The following EYS variants were observed in gnomAD, a reference collection of about 807,000 sequenced individuals.
The protein encoded by EYS is protein eyes shut homolog.
In EYS, 250 loss-of-function variants were observed where a neutral mutation model predicts 282.1. The ratio of observed to expected loss-of-function variants is 0.89; its 90% CI spans 0.80 to 0.98. The LOEUF (loss-of-function observed/expected upper bound fraction) is 0.98, where lower values mean the gene tolerates loss of function less well. Ranked by LOEUF, EYS falls within the 50% of genes least tolerant of loss-of-function variation. EYS has a pLI of 0.00. For missense variants in EYS, 4,016 were observed against 3,709.0 expected, an observed-to-expected ratio of 1.08 and a Z score of -2.15; for synonymous variants, 1,355 against 1,282.9, an observed-to-expected ratio of 1.06 and a Z score of -1.20.
At chr6:64,030,409 G>A (rs1157548791) in intron 33 of EYS, among the ~76,000 whole-genome samples, 2 of 152,138 alleles carry the variant, frequency 1.3e-5, no homozygotes, top group South Asian at 2.1e-4. Context: ...AAGAAATAAC[G>A]AAATCTATTC....
At chr6:63,871,106 C>A (rs1042720556) in intron 35 of EYS, among the ~76,000 whole-genome samples, 1 of 152,138 alleles carries the variant, frequency 6.6e-6, no homozygotes. Context: ...CCCCAATTCC[C>A]AATAACAAGT....
chr6:64,407,987 C>A (rs1484729569), intron 28 of EYS, among the ~76,000 whole-genome samples: 1 of 152,106 alleles, frequency 6.6e-6, no homozygotes, highest in East Asian at 1.9e-4. Flanking sequence ...CCCGCCTCTT[C>A]AAGTGCTGGG....
chr6:64,499,860 C>T (rs1776986986), intron 26 of EYS, among the ~76,000 whole-genome samples: 1 of 152,078 alleles, frequency 6.6e-6, no homozygotes, highest in South Asian at 2.1e-4. Context: ...TTGATCATTT[C>T]TGCTTAACTC....
intron 33 of EYS, among the ~76,000 whole-genome samples, chr6:64,034,507 A>G (rs1298282825): frequency 1.3e-5 from 2 of 152,306 alleles, no homozygotes; most frequent in East Asian, 3.9e-4. Context: ...CTTAACTCTT[A>G]TCCCAGTAGT....
chr6:64,018,759 GTTTTTTTTTTT>G (rs1163533009), intron 33 of EYS, among the ~76,000 whole-genome samples: 6 of 53,890 alleles, frequency 1.1e-4, no homozygotes, highest in South Asian at 8.7e-4. Context: ...CATCACAAGT[GTTTTTTTTTTT>G]TTTTTTTTTT....
chr6:64,148,135 T>C lies in EYS; in HGVS notation c.6425-66133A>G, dbSNP rs150630916. On this transcript the variant is annotated intron_variant, in intron 31 of 42. Coordinates refer to ENST00000503581, the MANE Select transcript of EYS (RefSeq NM_001142800.2). ...TGAACTGTTTGAACACTGAAAAATA[T>C]AGAATATACTCAAATGAAAATCATC... 3.1e-4 allele frequency among the ~76,000 whole-genome samples: 47 copies of C among 152,296 alleles called. No individual in the cohort carries two copies. In the East Asian group the frequency reaches 4.6e-3, roughly 15 times the overall value.
intron 40 of EYS, among the ~76,000 whole-genome samples, chr6:63,766,181 G>A (rs565542375): frequency 1.1e-4 from 16 of 152,030 alleles, no homozygotes; most frequent in South Asian, 4.2e-4. Flanking sequence ...TGCAATAACC[G>A]AACTCTGCCA....
At chr6:65,215,049 G>C (rs900690734) in intron 12 of EYS, among the ~76,000 whole-genome samples, 14 of 151,736 alleles carry the variant, frequency 9.2e-5, no homozygotes, top group Non-Finnish European at 1.8e-4. Flanking sequence ...AGAGGTGAAA[G>C]GAGATTAATA....
At position 64,257,841 on chromosome 6, in the gene EYS, T is replaced by A. The variant is rs896567891; in HGVS notation, c.6192-27017A>T. Among the ~76,000 whole-genome samples the A allele has an allele frequency of 3.3e-5, 5 of 151,978 alleles. No individual in the cohort carries two copies. The East Asian group carries it at 9.7e-4, about 29-fold the overall frequency. On this transcript the variant is annotated intron_variant, in intron 30 of 42. Coordinates refer to ENST00000503581, the MANE Select transcript of EYS (RefSeq NM_001142800.2). ...ACAGCAACCGTGATCATTATTCCAA[T>A]TTTACACTGTGACAACAGAAAACAC...
At chr6:63,873,405 A>ACTGGAC (rs1772871296) in intron 35 of EYS, among the ~76,000 whole-genome samples, 3 of 152,132 alleles carry the variant, frequency 2.0e-5, no homozygotes, top group African/African-American at 7.2e-5. Flanking sequence ...TCTATCATTG[A>ACTGGAC]TGGACATTTG....
intron 26 of EYS, among the ~76,000 whole-genome samples, chr6:64,503,366 T>G (rs1262802521): frequency 6.6e-6 from 1 of 152,200 alleles, no homozygotes; most frequent in East Asian, 1.9e-4. Context: ...TTTTATGTTA[T>G]AAAATTCTGG....
chr6:64,983,104 C>T (rs1259154897), intron 14 of EYS, among the ~76,000 whole-genome samples: 1 of 150,962 alleles, frequency 6.6e-6, no homozygotes, highest in Non-Finnish European at 1.5e-5. Flanking sequence ...CTGATATTCT[C>T]GATTTTAAAA....
intron 1 of EYS, among the ~76,000 whole-genome samples, chr6:65,658,479 G>A (rs1467290557): frequency 2.0e-5 from 3 of 151,458 alleles, no homozygotes; most frequent in African/African-American, 7.3e-5. Context: ...AAAATGAAAA[G>A]TTTATTTCTT....
chr6:64,235,080 ATTTTTAT>A (rs1766548669), intron 30 of EYS, among the ~76,000 whole-genome samples: 1 of 133,732 alleles, frequency 7.5e-6, no homozygotes, highest in Non-Finnish European at 1.6e-5. Context: ...TTATTTTTTT[ATTTTTAT>A]TTTTTTTAAT....
At chr6:64,952,395 C>T (rs1011429955) in intron 14 of EYS, among the ~76,000 whole-genome samples, 10 of 151,954 alleles carry the variant, frequency 6.6e-5, no homozygotes, top group African/African-American at 1.9e-4. Flanking sequence ...AGAAATAATG[C>T]TACCTGCCCA....
rs189769261 is a variant in EYS at position 65,517,034 on chromosome 6, A to G, written c.-332-21041T>C. Reference sequence around the variant, plus strand: ...TAGCTCTATTATTTATAGTGCTCTCAATGTCTATTACATGAACTTATTTAT... The same window carrying G: ...TAGCTCTATTATTTATAGTGCTCTCGATGTCTATTACATGAACTTATTTAT... On this transcript the variant is annotated intron_variant, in intron 2 of 42. Transcript: ENST00000503581. 4.5e-4 allele frequency among the ~76,000 whole-genome samples: 69 copies of G among 152,050 alleles called. 1 individual carries two copies. Among genetic ancestry groups the G allele is most frequent in the Admixed American group, 4.5e-3 (68 of 15,250 alleles).
intron 1 of EYS, among the ~76,000 whole-genome samples, chr6:65,694,956 C>A: frequency 6.6e-6 from 1 of 151,070 alleles, no homozygotes; most frequent in Non-Finnish European, 1.5e-5. Context: ...CCTTAATCTC[C>A]CTGATAAAGT....
chr6:65,194,538 GC>G (rs1765718381), intron 12 of EYS, among the ~76,000 whole-genome samples: 3 of 151,804 alleles, frequency 2.0e-5, no homozygotes, highest in African/African-American at 7.3e-5. Flanking sequence ...CTCCATTTAT[GC>G]TGGAAGCAGG....
At chr6:63,901,616 A>T (rs1773661148) in intron 35 of EYS, among the ~76,000 whole-genome samples, 1 of 152,236 alleles carries the variant, frequency 6.6e-6, no homozygotes, top group South Asian at 2.1e-4. Context: ...AAAACTTGAA[A>T]GCAGCAAGAG....
Sources: allele counts gnomAD v4.1 joint callset (sites outside exome capture counted in the v4.1 genomes callset), GRCh38; gene constraint gnomAD v4.1.1; transcripts MANE v1.5; gene names NCBI Gene and HGNC (gene_info 2026-07-23, HGNC 2026-07-21).